Variants in STK33 observed in about 807,000 individuals in gnomAD.
STK33 encodes serine/threonine-protein kinase 33.
STK33 carries 52 observed loss-of-function variants against 58.0 expected under a neutral mutation model. The observed-to-expected ratio is 0.90, with a 90% CI of 0.72 to 1.13. The LOEUF (loss-of-function observed/expected upper bound fraction) is 1.13. Ranked by LOEUF, STK33 falls within the 50% of genes most tolerant of loss-of-function variation. The pLI, the probability that STK33 is intolerant of heterozygous loss-of-function variation, is 0.00. For synonymous variants in STK33, 215 were observed against 200.1 expected, an observed-to-expected ratio of 1.07 and a Z score of -0.63; for missense variants, 630 against 604.2, an observed-to-expected ratio of 1.04 and a Z score of -0.45.
At chr11:8,471,271 T>C (rs564482881) in intron 6 of STK33, among the ~76,000 whole-genome samples, 30 of 152,240 alleles carry the variant, frequency 2.0e-4, no homozygotes, top group Non-Finnish European at 3.7e-4. Context: ...AATTCTAAAA[T>C]GAGAAATGGC....
chr11:8,506,489 G>C (rs1220767480), intron 1 of STK33, among the ~76,000 whole-genome samples: 1 of 152,080 alleles, frequency 6.6e-6, no homozygotes, highest in Non-Finnish European at 1.5e-5. Flanking sequence ...GGTGTCAGCG[G>C]GGCTGCATTC....
intron 15 of STK33, among the ~76,000 whole-genome samples, chr11:8,406,637 T>A (rs886862264): frequency 6.6e-6 from 1 of 152,186 alleles, no homozygotes; most frequent in Non-Finnish European, 1.5e-5. Flanking sequence ...GCAATTAGTA[T>A]TTTAAAATTT....
chr11:8,581,636 G>C (rs1384846179), intron 1 of STK33, among the ~76,000 whole-genome samples: 1 of 152,194 alleles, frequency 6.6e-6, no homozygotes, highest in East Asian at 1.9e-4. Flanking sequence ...AGAACTCTCT[G>C]TCCATGAAGG....
chr11:8,543,644 C>T (rs1955689082), intron 1 of STK33, among the ~76,000 whole-genome samples: 1 of 151,826 alleles, frequency 6.6e-6, no homozygotes, highest in Non-Finnish European at 1.5e-5. Flanking sequence ...TTAATGGGTA[C>T]ATTAAAAAAA....
chr11:8,531,850 CACAG>C (rs1462354723), intron 1 of STK33, among the ~76,000 whole-genome samples: 14 of 152,122 alleles, frequency 9.2e-5, no homozygotes, highest in Non-Finnish European at 1.3e-4. Flanking sequence ...TTAAAACCGC[CACAG>C]CAACAAATAT....
chr11:8,517,744 T>C (rs1032119876), intron 1 of STK33, among the ~76,000 whole-genome samples: 1 of 152,024 alleles, frequency 6.6e-6, no homozygotes, highest in Non-Finnish European at 1.5e-5. Flanking sequence ...GTATCAGTGA[T>C]TGAACATGAA....
chr11:8,365,197 C>T, the STK33 span, among the ~76,000 whole-genome samples: 2 of 152,228 alleles, frequency 1.3e-5, no homozygotes, highest in African/African-American at 4.8e-5. Flanking sequence ...GCCTCACTGC[C>T]CTGCCTTGAG....
chr11:8,489,272 G>GAAAAAAAAAAAAAAAAAAAAGA (rs60919146), intron 1 of STK33, among the ~76,000 whole-genome samples: 1 of 126,594 alleles, frequency 7.9e-6, no homozygotes, highest in Non-Finnish European at 1.6e-5. Flanking sequence ...AAAAAAAAAA[G>GAAAAAAAAAAAAAAAAAAAAGA]AAAAAAAAAA....
At chr11:8,502,460 A>G (rs1160582375) in intron 1 of STK33, among the ~76,000 whole-genome samples, 1 of 152,198 alleles carries the variant, frequency 6.6e-6, no homozygotes, top group African/African-American at 2.4e-5. Context: ...TCCCTTCCTT[A>G]TACCATATAC....
At chr11:8,484,519 T>A (rs947958548) in intron 1 of STK33, among the ~76,000 whole-genome samples, 1 of 152,188 alleles carries the variant, frequency 6.6e-6, no homozygotes, top group Non-Finnish European at 1.5e-5. Context: ...AATGTCTTGA[T>A]GGAATAGCCT....
At chr11:8,364,639 T>C in the STK33 span, among the ~76,000 whole-genome samples, 2 of 152,230 alleles carry the variant, frequency 1.3e-5, no homozygotes, top group East Asian at 1.9e-4. Context: ...GTTGAGAGAC[T>C]GAAACTGCTT....
chr11:8,586,897 G>A lies in STK33; in HGVS notation c.-466+7186C>T, dbSNP rs563807129. ...CAACAGATTATGAGCTCGACATGGA[G>A]TGTATCTTTTTATCTTTGTATCCCA... is the stretch of plus-strand genomic sequence containing the variant. On this transcript the variant is annotated intron_variant, in intron 1 of 15. Coordinates refer to ENST00000687296, the MANE Select transcript of STK33 (RefSeq NM_001352389.2). Among the ~76,000 whole-genome samples, 416 of 151,010 alleles carry A rather than the reference G, an allele frequency of 2.8e-3. 3 individuals carry two copies. The highest frequency in any genetic ancestry group is 9.6e-3 in the African/African-American group (395 of 41,134).
At chr11:8,534,221 G>A (rs922984504) in intron 1 of STK33, among the ~76,000 whole-genome samples, 1 of 151,690 alleles carries the variant, frequency 6.6e-6, no homozygotes, top group Non-Finnish European at 1.5e-5. Context: ...TTTGCAGTGA[G>A]CCAAGATCGC....
intron 1 of STK33, among the ~76,000 whole-genome samples, chr11:8,590,079 G>A (rs942206079): frequency 6.6e-6 from 1 of 152,198 alleles, no homozygotes; most frequent in Non-Finnish European, 1.5e-5. Flanking sequence ...TTCTCCCAGT[G>A]AGCTCTGTGG....
At chr11:8,460,012 G>A (rs1193801434) in intron 8 of STK33, among the ~76,000 whole-genome samples, 4 of 152,158 alleles carry the variant, frequency 2.6e-5, no homozygotes, top group Non-Finnish European at 5.9e-5. Flanking sequence ...TCAGTAACAG[G>A]AAAAAATTAG....
the STK33 span, among the ~76,000 whole-genome samples, chr11:8,352,480 G>C: frequency 6.6e-6 from 1 of 152,176 alleles, no homozygotes; most frequent in African/African-American, 2.4e-5. Context: ...CCAGCATCTG[G>C]AGAGACCAGG....
intron 14 of STK33, among the ~76,000 whole-genome samples, chr11:8,420,110 G>A (rs958278672): frequency 2.0e-5 from 3 of 151,908 alleles, no homozygotes; most frequent in Admixed American, 6.6e-5. Flanking sequence ...GCCCAGCCTC[G>A]ACTATTACCT....
rs541164966 is a variant in STK33 at position 8,545,800 on chromosome 11, C to A, written c.-466+48283G>T. On this transcript the variant is annotated intron_variant, in intron 1 of 15. Coordinates refer to ENST00000687296, the MANE Select transcript of STK33 (RefSeq NM_001352389.2). ...AAAAAGAACAAAGCTAGAGGTATCA[C>A]ACCTCCTAATTTCAAAATACAGTCA... Among the ~76,000 whole-genome samples, 20 of 152,316 alleles carry A rather than the reference C, an allele frequency of 1.3e-4. No individual in the cohort carries two copies. In the East Asian group the frequency reaches 3.7e-3, roughly 28 times the overall value.
At chr11:8,486,539 T>C (rs1030555740) in intron 1 of STK33, among the ~76,000 whole-genome samples, 4 of 152,218 alleles carry the variant, frequency 2.6e-5, no homozygotes, top group Admixed American at 6.5e-5. Flanking sequence ...CTCTCCTATG[T>C]ACACTTACTA....
Sources: allele counts gnomAD v4.1 joint callset (sites outside exome capture counted in the v4.1 genomes callset), GRCh38; gene constraint gnomAD v4.1.1; transcripts MANE v1.5; gene names NCBI Gene and HGNC (gene_info 2026-07-23, HGNC 2026-07-21).